PRMT8: variants seen among roughly 807,000 people sequenced by gnomAD.
The protein encoded by PRMT8 is protein arginine methyltransferase 8.
A neutral mutation model predicts 47.1 loss-of-function variants in PRMT8; 7 were observed. The observed-to-expected ratio is 0.15, with a 90% CI of 0.08 to 0.28. The LOEUF (loss-of-function observed/expected upper bound fraction) is 0.28. PRMT8 is among the 10% of genes least tolerant of loss of function. The probability of loss-of-function intolerance (pLI) is 1.00; values close to 1 mark genes in which losing one functional copy is unlikely to be tolerated. For missense variants in PRMT8, 237 were observed against 505.4 expected (o/e 0.47, Z 5.09); for synonymous variants, 188 against 186.5 (o/e 1.01, Z -0.07).
In PRMT8 at chr12:3,566,830, G is replaced by A. The variant is rs749753449; in HGVS notation, c.482-1876G>A. Among the ~76,000 whole-genome samples the A allele has an allele frequency of 6.6e-6, 1 of 152,182 alleles. No individual in the cohort carries two copies. The highest frequency in any genetic ancestry group is 1.5e-5 in the Non-Finnish European group (1 of 68,042). On this transcript the variant is annotated intron_variant, in intron 4 of 9. Transcript: ENST00000382622. This position sits in a 1 kb window ranked among gnomAD's most constrained non-coding sequence, Gnocchi z 4.7. ...TTTCAGAGGATATTGCAGAATGAGA[G>A]TTTCAGAGCATGAATATATGTAACC...
intron 4 of PRMT8, among the ~76,000 whole-genome samples, chr12:3,567,732 T>C (rs1249395067): frequency 6.6e-6 from 1 of 152,222 alleles, no homozygotes; most frequent in African/African-American, 2.4e-5. Flanking sequence ...AAAAGTAAGC[T>C]ACTATCAGCC....
At chr12:3,537,764 G>T (rs1042308593) in intron 1 of PRMT8, among the ~76,000 whole-genome samples, 4 of 152,088 alleles carry the variant, frequency 2.6e-5, no homozygotes, top group Non-Finnish European at 5.9e-5. Context: ...GTCTATTTCT[G>T]CACTTTCTCT....
chr12:3,519,897 TG>T (rs1250659659), intron 1 of PRMT8, among the ~76,000 whole-genome samples: 1 of 152,200 alleles, frequency 6.6e-6, no homozygotes, highest in Non-Finnish European at 1.5e-5. Context: ...CAACAAAATT[TG>T]GGAAACATCT....
intron 8 of PRMT8, among the ~76,000 whole-genome samples, chr12:3,589,365 G>T (rs1867251301): frequency 6.6e-6 from 1 of 152,124 alleles, no homozygotes; most frequent in Non-Finnish European, 1.5e-5. Context: ...ATATTCTGCA[G>T]ATGTGGAAAA....
intron 1 of PRMT8, among the ~76,000 whole-genome samples, chr12:3,470,200 T>C (rs1865145113): frequency 6.6e-6 from 1 of 152,190 alleles, no homozygotes; most frequent in Admixed American, 6.5e-5. Context: ...ATGCTCTGTG[T>C]GTGTGGAGAG....
chr12:3,544,477 GAC>G (rs763401551), intron 2 of PRMT8, among the ~76,000 whole-genome samples: 25 of 152,312 alleles, frequency 1.6e-4, no homozygotes, highest in South Asian at 4.1e-4. Context: ...GTTAAAGAAA[GAC>G]ACGCCCACAG....
intron 1 of PRMT8, among the ~76,000 whole-genome samples, chr12:3,451,034 C>T (rs1864911553): frequency 2.8e-4 from 1 of 3,584 alleles, no homozygotes; most frequent in African/African-American, 7.3e-4. Flanking sequence ...CTTGCTGACA[C>T]CCCCCCCCCC....
At chr12:3,434,688 G>A (rs1014592887) in intron 1 of PRMT8, among the ~76,000 whole-genome samples, 11 of 152,014 alleles carry the variant, frequency 7.2e-5, no homozygotes, top group African/African-American at 1.9e-4. Flanking sequence ...TGTTCCGTGT[G>A]TGTTGGGGGT....
upstream of PRMT8, among the ~76,000 whole-genome samples, chr12:3,490,675 A>AGAGAGAGAGAGAG: frequency 8.3e-6 from 1 of 121,158 alleles, no homozygotes; most frequent in Non-Finnish European, 1.7e-5. Context: ...TTTGGGTACA[A>AGAGAGAGAGAGAG]AGAGAGAGAG....
intron 1 of PRMT8, among the ~76,000 whole-genome samples, chr12:3,429,933 G>T (rs1364408094): frequency 6.6e-6 from 1 of 152,218 alleles, no homozygotes; most frequent in Non-Finnish European, 1.5e-5. Context: ...TGCCTCAACT[G>T]TCTGTTAATC....
chr12:3,411,698 A>G (rs1864432459), intron 1 of PRMT8, among the ~76,000 whole-genome samples: 1 of 152,188 alleles, frequency 6.6e-6, no homozygotes, highest in Admixed American at 6.5e-5. Flanking sequence ...CATCTTATCT[A>G]ATGGGTCAAG....
At chr12:3,512,821 G>T (rs1479583384) in intron 1 of PRMT8, among the ~76,000 whole-genome samples, 1 of 152,238 alleles carries the variant, frequency 6.6e-6, no homozygotes. Context: ...GGTAGAGATT[G>T]CCTGCTCAGG....
chr12:3,538,682 G>A lies in PRMT8; in HGVS notation c.76-1924G>A, dbSNP rs1335948132. 1 of 519,004 alleles carries A rather than the reference G, an allele frequency of 1.9e-6. No individual in the cohort carries two copies. Among genetic ancestry groups the A allele is most frequent in the East Asian group, 5.4e-5 (1 of 18,352 alleles). 32.1% of individuals were successfully genotyped at this position (519,004 alleles called of 1,614,324 possible). ...GAGTCGATATTGGGGTCAGCTTCATGCACGGAGCCTTCTTCAGCTTTAGAG... is the reference window on the plus strand; with the variant it reads ...GAGTCGATATTGGGGTCAGCTTCATACACGGAGCCTTCTTCAGCTTTAGAG... On this transcript the variant is annotated intron_variant, in intron 1 of 9. Transcript: ENST00000382622. The surrounding 1 kb of genome is among the most constrained non-coding windows in gnomAD (Gnocchi z 4.6).
chr12:3,434,364 T>C (rs1247097298), intron 1 of PRMT8, among the ~76,000 whole-genome samples: 1 of 152,218 alleles, frequency 6.6e-6, no homozygotes, highest in East Asian at 1.9e-4. Context: ...CTTTGTAGTC[T>C]ATCCACATGC....
At chr12:3,460,374 G>T (rs1015990152) in intron 1 of PRMT8, among the ~76,000 whole-genome samples, 1 of 152,212 alleles carries the variant, frequency 6.6e-6, no homozygotes, top group Non-Finnish European at 1.5e-5. Context: ...TGAGATCATG[G>T]ACATCACCGG....
At position 3,589,462 on chromosome 12, in the gene PRMT8, A is replaced by G. The variant is rs766927457; in HGVS notation, c.980-2769A>G. 3.3e-5 allele frequency among the ~76,000 whole-genome samples: 5 copies of G among 152,110 alleles called. No individual in the cohort carries two copies. In the South Asian group the frequency reaches 6.2e-4, roughly 19 times the overall value. On this transcript the variant is annotated intron_variant, in intron 8 of 9. Transcript: ENST00000382622. The stretch of plus-strand genomic sequence containing the variant: ...ACCTAATTAATGTCTTTCCCACTCT[A>G]CCTTCCCAAAGGAGGTCAGGAGATG...
At chr12:3,526,776 T>C (rs1701870026) in intron 1 of PRMT8, among the ~76,000 whole-genome samples, 1 of 152,228 alleles carries the variant, frequency 6.6e-6, no homozygotes, top group Non-Finnish European at 1.5e-5. Context: ...TTCTGAAATA[T>C]ACATTGTTTG....
rs775623501 is a variant in PRMT8 at position 3,420,189 on chromosome 12, G to A, written c.48+38747G>A. Among the ~76,000 whole-genome samples, 5 of 151,980 alleles carry A rather than the reference G, an allele frequency of 3.3e-5. No homozygotes were observed. In the East Asian group the frequency reaches 5.8e-4, roughly 18 times the overall value. ...TGGGTGTTGTCCATCAATGCAAGGC[G>A]GCAGACTCAAAACTCTCTCTCTCTC... On this transcript the variant is annotated intron_variant, in intron 1 of 9. Transcript: ENST00000452611.
chr12:3,543,969 G>A (rs564807137), intron 2 of PRMT8, among the ~76,000 whole-genome samples: 10 of 152,126 alleles, frequency 6.6e-5, no homozygotes, highest in East Asian at 1.9e-4. Context: ...TTGCCAATGC[G>A]GCTGTCCCTC....
Sources: gnomAD v4.1 joint callset for allele counts (sites outside exome capture counted in the v4.1 genomes callset) on GRCh38, gnomAD v4.1.1 for gene constraint, Gnocchi (gnomAD v3.1) non-coding constraint, MANE v1.5 for transcripts, NCBI Gene and HGNC (gene_info 2026-07-23, HGNC 2026-07-21) for gene names.